Variants in ST8SIA6 observed in about 807,000 individuals in gnomAD.
ST8SIA6 encodes the protein alpha-2,8-sialyltransferase 8F.
A neutral mutation model predicts 33.6 loss-of-function variants in ST8SIA6; 39 were observed. The observed-to-expected ratio is 1.16, with a 90% CI of 0.90 to 1.52. The LOEUF (loss-of-function observed/expected upper bound fraction) is 1.52. Among genes scored for constraint, ST8SIA6 ranks in the 40% most tolerant of loss-of-function variants. The pLI is 0.00. For missense variants in ST8SIA6, 441 were observed against 443.8 expected (o/e 0.99, Z 0.06); for synonymous variants, 172 against 167.2 (o/e 1.03, Z -0.22).
At chr10:17,346,602 T>TAAC (rs1294025869) in intron 4 of ST8SIA6, among the ~76,000 whole-genome samples, 1 of 151,960 alleles carries the variant, frequency 6.6e-6, no homozygotes, top group Non-Finnish European at 1.5e-5. Context: ...TCAAAAACAG[T>TAAC]AACAACAACA....
intron 4 of ST8SIA6, among the ~76,000 whole-genome samples, chr10:17,352,820 C>T (rs1849077017): frequency 6.6e-6 from 1 of 152,026 alleles, no homozygotes; most frequent in Non-Finnish European, 1.5e-5. Context: ...CACAGGCATG[C>T]TGTATGGTAA....
intron 2 of ST8SIA6, among the ~76,000 whole-genome samples, chr10:17,424,159 A>G (rs1267693381): frequency 2.7e-5 from 4 of 147,890 alleles, no homozygotes; most frequent in Non-Finnish European, 5.9e-5. Context: ...GCTGGAGTGC[A>G]GTGGTGCAAT....
chr10:17,379,425 C>G (rs1043094264), intron 3 of ST8SIA6, among the ~76,000 whole-genome samples: 44 of 152,124 alleles, frequency 2.9e-4, no homozygotes, highest in African/African-American at 1.0e-3. Flanking sequence ...TCGGGTCACA[C>G]CTGTGAAAGG....
intron 2 of ST8SIA6, among the ~76,000 whole-genome samples, chr10:17,397,120 G>GTC (rs1347346514): frequency 6.6e-6 from 1 of 151,686 alleles, no homozygotes; most frequent in African/African-American, 2.4e-5. Flanking sequence ...CTGCCTCCAT[G>GTC]TCTCATGTCT....
intron 4 of ST8SIA6, among the ~76,000 whole-genome samples, chr10:17,350,099 G>A (rs1245334171): frequency 1.3e-5 from 2 of 152,184 alleles, no homozygotes; most frequent in Non-Finnish European, 2.9e-5. Flanking sequence ...GTTGGGACAG[G>A]GGTGGAAGTG....
At chr10:17,392,302 G>A (rs1387969907) in intron 2 of ST8SIA6, among the ~76,000 whole-genome samples, 3 of 152,210 alleles carry the variant, frequency 2.0e-5, no homozygotes, top group Non-Finnish European at 4.4e-5. Context: ...CCAAGTGAGT[G>A]TCATTTAGAT....
chr10:17,423,235 T>G (rs1485178346), intron 2 of ST8SIA6, among the ~76,000 whole-genome samples: 1 of 152,232 alleles, frequency 6.6e-6, no homozygotes, highest in African/African-American at 2.4e-5. Context: ...TGGAAGCTTG[T>G]GAAATTCACT....
At position 17,320,799 on chromosome 10, in the gene ST8SIA6, C is replaced by T; in HGVS notation, c.*79G>A. On this transcript the variant is annotated 3_prime_UTR_variant, in exon 8 of 8. Transcript: ENST00000377602. ...GGCTCATCTCAAAATACTCTTTAGCCACCTCCTTTGGTGTTTGGAGACATT... is the reference window on the plus strand; with the variant it reads ...GGCTCATCTCAAAATACTCTTTAGCTACCTCCTTTGGTGTTTGGAGACATT... The T allele has an allele frequency of 6.8e-7, 1 of 1,469,622 alleles. No homozygotes were observed. Among genetic ancestry groups the T allele is most frequent in the Non-Finnish European group, 9.3e-7 (1 of 1,073,766 alleles). 91.0% of individuals were successfully genotyped at this position (1,469,622 alleles called of 1,614,324 possible).
intron 2 of ST8SIA6, among the ~76,000 whole-genome samples, chr10:17,435,044 C>T (rs562614870): frequency 1.7e-4 from 26 of 152,306 alleles, no homozygotes; most frequent in African/African-American, 6.3e-4. Flanking sequence ...AAATTACACT[C>T]AGGGGGATGC....
intron 2 of ST8SIA6, among the ~76,000 whole-genome samples, chr10:17,423,024 G>A (rs1220816649): frequency 6.6e-6 from 1 of 152,116 alleles, no homozygotes; most frequent in Non-Finnish European, 1.5e-5. Context: ...AATGTGCATG[G>A]GTGCAATTTT....
intron 2 of ST8SIA6, among the ~76,000 whole-genome samples, chr10:17,401,540 G>T (rs1283983523): frequency 6.6e-6 from 1 of 152,116 alleles, no homozygotes; most frequent in Admixed American, 6.6e-5. Flanking sequence ...ATACTACAAG[G>T]CTACAGTAAC....
intron 3 of ST8SIA6, among the ~76,000 whole-genome samples, chr10:17,389,016 C>A (rs1168897099): frequency 2.0e-5 from 3 of 152,156 alleles, no homozygotes; most frequent in Non-Finnish European, 4.4e-5. Context: ...AGACCCTAGA[C>A]TGGATGGATC....
At chr10:17,421,643 G>T (rs902160932) in intron 2 of ST8SIA6, among the ~76,000 whole-genome samples, 3 of 151,964 alleles carry the variant, frequency 2.0e-5, no homozygotes, top group Admixed American at 6.6e-5. Flanking sequence ...GCTCACTGCT[G>T]CCTCAACCTC....
At chr10:17,423,417 C>T (rs570421243) in intron 2 of ST8SIA6, among the ~76,000 whole-genome samples, 2 of 152,192 alleles carry the variant, frequency 1.3e-5, no homozygotes, top group African/African-American at 4.8e-5. Flanking sequence ...GTGTTTCCCT[C>T]CTCCAACTAG....
chr10:17,411,570 AT>A (rs1370854031), intron 2 of ST8SIA6, among the ~76,000 whole-genome samples: 2 of 152,160 alleles, frequency 1.3e-5, no homozygotes, highest in Admixed American at 6.5e-5. Context: ...CCCCACTGTT[AT>A]TTCACTTAAA....
intron 2 of ST8SIA6, among the ~76,000 whole-genome samples, chr10:17,449,963 AACT>A (rs1367948914): frequency 5.3e-5 from 8 of 152,314 alleles, no homozygotes; most frequent in African/African-American, 1.9e-4. Context: ...ATCCTGAGAT[AACT>A]AAGAGTAGGG....
intron 7 of ST8SIA6, 66 bp from the exon 8 acceptor site, chr10:17,321,412 A>G (rs1847945761): frequency 1.5e-6 from 2 of 1,295,008 alleles, no homozygotes; most frequent in Non-Finnish European, 2.1e-6. Flanking sequence ...TTTTGATAAC[A>G]TAAAGCTGAA....
chr10:17,386,976 C>G (rs576395149), intron 3 of ST8SIA6: 2 of 152,358 alleles, frequency 1.3e-5, no homozygotes, highest in African/African-American at 4.8e-5. Context: ...AGCTTCTAGG[C>G]CCTGGGGATG....
intron 2 of ST8SIA6, among the ~76,000 whole-genome samples, chr10:17,436,564 AT>A (rs1303439588): frequency 4.3e-5 from 5 of 116,904 alleles, no homozygotes; most frequent in Non-Finnish European, 6.5e-5. Context: ...GATGTTCCCC[AT>A]CCTGTGTCCA....
Sources: gnomAD v4.1 joint callset for allele counts (sites outside exome capture counted in the v4.1 genomes callset) on GRCh38, gnomAD v4.1.1 for gene constraint, MANE v1.5 for transcripts, NCBI Gene and HGNC (gene_info 2026-07-23, HGNC 2026-07-21) for gene names.